PRKCA: variants seen among roughly 807,000 people sequenced by gnomAD.
PRKCA encodes the protein protein kinase C alpha type.
A neutral mutation model predicts 87.0 loss-of-function variants in PRKCA; 27 were observed. The ratio of observed to expected loss-of-function variants is 0.31; its 90% confidence interval spans 0.23 to 0.43. The LOEUF is 0.43. PRKCA is among the 20% of genes least tolerant of loss of function. The pLI is 1.00. For synonymous variants in PRKCA, 329 were observed against 311.1 expected (o/e 1.06, Z -0.61); for missense variants, 518 against 852.3 (o/e 0.61, Z 4.88).
At chr17:66,512,060 T>C (rs1917257907) in intron 3 of PRKCA, among the ~76,000 whole-genome samples, 2 of 152,134 alleles carry the variant, frequency 1.3e-5, no homozygotes, top group African/African-American at 4.8e-5. Context: ...AGAAATACAC[T>C]GCTTGCCAAA....
At chr17:66,426,790 G>A (rs1260699076) in intron 2 of PRKCA, among the ~76,000 whole-genome samples, 1 of 152,182 alleles carries the variant, frequency 6.6e-6, no homozygotes, top group African/African-American at 2.4e-5. Flanking sequence ...CAAAGAAGAG[G>A]TTGTTTCAGC....
chr17:66,349,741 G>A (rs1299191979), intron 2 of PRKCA, among the ~76,000 whole-genome samples: 1 of 152,080 alleles, frequency 6.6e-6, no homozygotes, highest in Non-Finnish European at 1.5e-5. Flanking sequence ...ACAGTGTTTG[G>A]CCTGGCTCCC....
At chr17:66,706,247 C>T (rs1355498018) in intron 8 of PRKCA, among the ~76,000 whole-genome samples, 1 of 152,180 alleles carries the variant, frequency 6.6e-6, no homozygotes, top group Non-Finnish European at 1.5e-5. Context: ...GGATAGACTT[C>T]ATCACCCCCA....
intron 3 of PRKCA, among the ~76,000 whole-genome samples, chr17:66,544,557 T>C (rs1968089618): frequency 6.6e-6 from 1 of 152,208 alleles, no homozygotes; most frequent in African/African-American, 2.4e-5. Flanking sequence ...GTTACAGTAC[T>C]TTTAGTCTTC....
chr17:66,733,747 A>G (rs554398458), intron 9 of PRKCA, among the ~76,000 whole-genome samples: 1 of 152,246 alleles, frequency 6.6e-6, no homozygotes, highest in Non-Finnish European at 1.5e-5. Context: ...AGCCAAGATC[A>G]TGCCACTGCA....
chr17:66,337,906 G>C (rs1906797933), intron 2 of PRKCA, among the ~76,000 whole-genome samples: 1 of 151,646 alleles, frequency 6.6e-6, no homozygotes, highest in African/African-American at 2.4e-5. Context: ...CTTTCTATAA[G>C]TCAAAAAGCC....
chr17:66,417,310 C>G (rs911822162), intron 2 of PRKCA, among the ~76,000 whole-genome samples: 1 of 151,772 alleles, frequency 6.6e-6, no homozygotes, highest in African/African-American at 2.4e-5. Context: ...ATTACAGATA[C>G]AGGTGCCCTA....
chr17:66,367,500 A>C (rs1267636418), intron 2 of PRKCA, among the ~76,000 whole-genome samples: 5 of 152,204 alleles, frequency 3.3e-5, no homozygotes, highest in Non-Finnish European at 7.3e-5. Context: ...AAAGTCTTAG[A>C]CGTTTGGAAC....
At chr17:66,445,147 C>T (rs1437919265) in intron 2 of PRKCA, among the ~76,000 whole-genome samples, 1 of 152,138 alleles carries the variant, frequency 6.6e-6, no homozygotes, top group African/African-American at 2.4e-5. Context: ...CTGAGCTATC[C>T]CCCCTACGGT....
At chr17:66,462,867 G>C (rs1231171688) in intron 2 of PRKCA, among the ~76,000 whole-genome samples, 2 of 151,940 alleles carry the variant, frequency 1.3e-5, no homozygotes, top group African/African-American at 2.4e-5. Flanking sequence ...GAAAATAATT[G>C]AAGGATGTGG....
intron 2 of PRKCA, among the ~76,000 whole-genome samples, chr17:66,428,509 T>TC (rs1290100943): frequency 2.0e-5 from 3 of 150,594 alleles, no homozygotes; most frequent in African/African-American, 7.3e-5. Flanking sequence ...TTTCTTTCTT[T>TC]TTTTTTTTTT....
chr17:66,716,765 C>T (rs1261772939), intron 8 of PRKCA, among the ~76,000 whole-genome samples: 1 of 152,220 alleles, frequency 6.6e-6, no homozygotes, highest in Non-Finnish European at 1.5e-5. Context: ...GCAGTTTCCA[C>T]ATCTGGCAAA....
At chr17:66,516,640 A>AC (rs1020681785) in intron 3 of PRKCA, among the ~76,000 whole-genome samples, 3 of 152,178 alleles carry the variant, frequency 2.0e-5, no homozygotes, top group African/African-American at 7.2e-5. Flanking sequence ...CTAAAAAAAA[A>AC]AAGAATAAGT....
chr17:66,714,313 T>C (rs1435517699), intron 8 of PRKCA, among the ~76,000 whole-genome samples: 1 of 150,560 alleles, frequency 6.6e-6, no homozygotes, highest in Non-Finnish European at 1.5e-5. Context: ...AGAGCTAGGG[T>C]GCAAATACCA....
chr17:66,471,009 T>A (rs909413814), intron 2 of PRKCA, among the ~76,000 whole-genome samples: 1 of 150,742 alleles, frequency 6.6e-6, no homozygotes, highest in African/African-American at 2.5e-5. Context: ...TTTTTTTTTT[T>A]TTTAGTTTAG....
chr17:66,663,919 G>T (rs981811004), intron 5 of PRKCA, among the ~76,000 whole-genome samples: 1 of 151,282 alleles, frequency 6.6e-6, no homozygotes, highest in Non-Finnish European at 1.5e-5. Context: ...CCAGGCTGGA[G>T]TTCAGTGGCG....
rs1340133714 is a variant in PRKCA at position 66,545,408 on chromosome 17, G to A, written c.288+49125G>A. 3.9e-5 allele frequency among the ~76,000 whole-genome samples: 6 copies of A among 152,304 alleles called. No homozygotes were observed. In the East Asian group the frequency reaches 7.7e-4, roughly 20 times the overall value. On this transcript the variant is annotated intron_variant, in intron 3 of 16. Coordinates refer to ENST00000413366, the MANE Select transcript of PRKCA (RefSeq NM_002737.3). ...TGTGCCACTGCACTCCAGCCTGGGC[G>A]ACAGAGCGAGACTCTGTCTCAAAAA...
chr17:66,443,201 T>C (rs1913863896), intron 2 of PRKCA, among the ~76,000 whole-genome samples: 1 of 152,242 alleles, frequency 6.6e-6, no homozygotes, highest in African/African-American at 2.4e-5. Flanking sequence ...GGTTTGATGC[T>C]GGGACTGCTC....
chr17:66,712,823 A>G (rs956199419), intron 8 of PRKCA, among the ~76,000 whole-genome samples: 4 of 152,130 alleles, frequency 2.6e-5, no homozygotes, highest in African/African-American at 9.7e-5. Context: ...GAAATGGTAA[A>G]AGGACCAACC....
Sources: allele counts gnomAD v4.1 joint callset (sites outside exome capture counted in the v4.1 genomes callset), GRCh38; gene constraint gnomAD v4.1.1; transcripts MANE v1.5; gene names NCBI Gene and HGNC (gene_info 2026-07-23, HGNC 2026-07-21).